RGS17: variants seen among roughly 807,000 people sequenced by gnomAD.
RGS17 encodes the protein regulator of G-protein signaling 17.
A neutral mutation model predicts 25.5 loss-of-function variants in RGS17; 12 were observed. The observed-to-expected ratio is 0.47, with a 90% confidence interval of 0.30 to 0.76. The LOEUF (loss-of-function observed/expected upper bound fraction) is 0.76, where lower values mean the gene tolerates loss of function less well. RGS17 is among the 30% of genes least tolerant of loss of function. The pLI is 0.07. For missense variants in RGS17, 196 were observed against 242.2 expected, an observed-to-expected ratio of 0.81 and a Z score of 1.27; for synonymous variants, 71 against 76.9, an observed-to-expected ratio of 0.92 and a Z score of 0.40.
At chr6:153,053,007 C>G (rs1776483692) in intron 1 of RGS17, among the ~76,000 whole-genome samples, 1 of 147,476 alleles carries the variant, frequency 6.8e-6, no homozygotes, top group African/African-American at 2.6e-5. Flanking sequence ...AGAACCCAAC[C>G]ATACTGGCAC....
At chr6:153,105,126 C>A (rs1228313155) in intron 1 of RGS17, among the ~76,000 whole-genome samples, 1 of 151,600 alleles carries the variant, frequency 6.6e-6, no homozygotes, top group African/African-American at 2.4e-5. Context: ...GGGATTTACA[C>A]AGAACTAAAT....
At position 153,102,085 on chromosome 6, in the gene RGS17, G is replaced by C. The variant is rs189442985; in HGVS notation, c.-26+29039C>G. Among the ~76,000 whole-genome samples the C allele has an allele frequency of 2.4e-4, 36 of 152,260 alleles. 1 individual carries two copies. Among genetic ancestry groups the C allele is most frequent in the Admixed American group, 2.1e-3 (32 of 15,294 alleles). Reference sequence around the variant, plus strand: ...CAACGATCTGCCTTTGTACTTGAAGGCATTTTGCTTCTGCACAGTCTTCTA... The same window carrying C: ...CAACGATCTGCCTTTGTACTTGAAGCCATTTTGCTTCTGCACAGTCTTCTA... On this transcript the variant is annotated intron_variant, in intron 1 of 4. Transcript: ENST00000206262.
chr6:153,076,014 C>T (rs1040130989), intron 1 of RGS17, among the ~76,000 whole-genome samples: 51 of 152,114 alleles, frequency 3.4e-4, no homozygotes, highest in African/African-American at 1.2e-3. Flanking sequence ...TAACTTTTTA[C>T]AGAACTTTGA....
At chr6:153,073,044 G>A (rs1776828940) in intron 1 of RGS17, among the ~76,000 whole-genome samples, 1 of 152,214 alleles carries the variant, frequency 6.6e-6, no homozygotes, top group African/African-American at 2.4e-5. Flanking sequence ...GCCAAAGGCA[G>A]TGTCTTGCTT....
chr6:153,101,848 T>C (rs1055821169), intron 1 of RGS17, among the ~76,000 whole-genome samples: 3 of 152,180 alleles, frequency 2.0e-5, no homozygotes, highest in African/African-American at 7.2e-5. Flanking sequence ...CCCCGTCACC[T>C]TCTGCCATGA....
rs1237821600 is a variant in RGS17, at chr6:153,071,020, T to C, written c.-25-26977A>G. Among the ~76,000 whole-genome samples the C allele has an allele frequency of 2.0e-5, 3 of 150,692 alleles. No individual in the cohort carries two copies. In the East Asian group the frequency reaches 5.8e-4, roughly 29 times the overall value. The stretch of plus-strand genomic sequence containing the variant: ...ATGTACATGTGTATATGCACGTATG[T>C]GTATATGTATATATACGTATATGTA... On this transcript the variant is annotated intron_variant, in intron 1 of 4. Transcript: ENST00000206262.
At chr6:153,106,498 G>C (rs1221678201) in intron 1 of RGS17, among the ~76,000 whole-genome samples, 1 of 151,700 alleles carries the variant, frequency 6.6e-6, no homozygotes, top group Non-Finnish European at 1.5e-5. Flanking sequence ...GAATGGTTTG[G>C]GGTTTACATT....
intron 1 of RGS17, among the ~76,000 whole-genome samples, chr6:153,053,527 C>T (rs181449243): frequency 6.6e-5 from 10 of 152,220 alleles, no homozygotes; most frequent in African/African-American, 2.4e-4. Flanking sequence ...AGGCAGAGCA[C>T]GGTGGCTCAT....
At chr6:153,109,781 T>G (rs921297600) in intron 1 of RGS17, among the ~76,000 whole-genome samples, 10 of 152,362 alleles carry the variant, frequency 6.6e-5, no homozygotes, top group African/African-American at 2.2e-4. Context: ...CATTTAAACT[T>G]ATCATGCTAT....
chr6:153,005,904 T>G lies in RGS17; in HGVS notation c.*5670A>C, dbSNP rs939405405. ...TATGAATGTAATGATCAATATTGGC[T>G]CATTAATGCCCATAGATGTATATGG... is the stretch of plus-strand genomic sequence containing the variant. On this transcript the variant is annotated 3_prime_UTR_variant, in exon 5 of 5. Coordinates refer to ENST00000206262, the MANE Select transcript of RGS17 (RefSeq NM_012419.5). 6.6e-6 allele frequency: 1 copy of G among 152,224 alleles called. No homozygotes were observed. Among genetic ancestry groups the G allele is most frequent in the African/African-American group, 2.4e-5 (1 of 41,458 alleles). 9.4% of individuals were successfully genotyped at this position (152,224 alleles called of 1,614,324 possible).
At chr6:153,046,257 G>A (rs186449016) in intron 1 of RGS17, among the ~76,000 whole-genome samples, 1 of 152,126 alleles carries the variant, frequency 6.6e-6, no homozygotes, top group African/African-American at 2.4e-5. Context: ...CTAGATAGGA[G>A]GAATAAGTTA....
intron 1 of RGS17, among the ~76,000 whole-genome samples, chr6:153,047,488 A>G (rs1395372104): frequency 1.3e-5 from 2 of 152,232 alleles, no homozygotes; most frequent in African/African-American, 2.4e-5. Flanking sequence ...ATTTTACACT[A>G]CAATGGACAG....
intron 2 of RGS17, among the ~76,000 whole-genome samples, chr6:153,029,962 T>C (rs1420879841): frequency 6.6e-6 from 1 of 152,246 alleles, no homozygotes; most frequent in Non-Finnish European, 1.5e-5. Context: ...ATTTCTACTT[T>C]TTAAGCAATA....
chr6:153,034,079 T>C (rs927246812), intron 2 of RGS17, among the ~76,000 whole-genome samples: 2 of 152,156 alleles, frequency 1.3e-5, no homozygotes, highest in African/African-American at 2.4e-5. Context: ...TAAAACCCTG[T>C]TAGTGAATAT....
chr6:153,007,294 T>G lies in RGS17; in HGVS notation c.*4280A>C, dbSNP rs529082940. On this transcript the variant is annotated 3_prime_UTR_variant, in exon 5 of 5. Transcript: ENST00000206262. ...TTTTATTGATAAATATTTGCAGTTGTAGCAAGTGAAGAATTAAAAATTTTT... is the reference window on the plus strand; with the variant it reads ...TTTTATTGATAAATATTTGCAGTTGGAGCAAGTGAAGAATTAAAAATTTTT... 14 of 152,314 alleles carry G rather than the reference T, an allele frequency of 9.2e-5. No individual in the cohort carries two copies. The highest frequency in any genetic ancestry group is 3.4e-4 in the African/African-American group (14 of 41,558). The allele number at this position is 152,314 out of a possible 1,614,324, so 9.4% of individuals were successfully genotyped here.
rs1584116096 is a variant in RGS17 at position 153,011,582 on chromosome 6, C to G, written c.625G>C (p.Glu209Gln). ...FVESTAGSSS[E>Q]S ...TTGTTTTTAAATGAACATTAAGATT[C>G]AGAAGAAGAGCCAGCAGTACTTTCA... is the stretch of plus-strand genomic sequence containing the variant. Residue 209 changes from glutamate (E) to glutamine (Q), a missense_variant, in exon 5 of 5, where the codon GAA becomes CAA. Glu to Gln is a conservative substitution (Grantham distance 29, BLOSUM62 2). Coordinates refer to ENST00000206262, the MANE Select transcript of RGS17 (RefSeq NM_012419.5). 1 of 1,600,096 alleles carries G rather than the reference C, an allele frequency of 6.2e-7. No homozygotes were observed. The highest frequency in any genetic ancestry group is 1.3e-5 in the African/African-American group (1 of 74,274).
chr6:153,058,079 C>A (rs1490610974), intron 1 of RGS17, among the ~76,000 whole-genome samples: 1 of 152,192 alleles, frequency 6.6e-6, no homozygotes, highest in Non-Finnish European at 1.5e-5. Flanking sequence ...AATAATAGAA[C>A]ACATAAGTAC....
At chr6:153,120,367 A>T (rs139474359) in intron 1 of RGS17, among the ~76,000 whole-genome samples, 1 of 152,326 alleles carries the variant, frequency 6.6e-6, no homozygotes, top group African/African-American at 2.4e-5. Flanking sequence ...TCCCAGACTC[A>T]TAGGCTAAAA....
chr6:153,131,260 G>C lies in RGS17; in HGVS notation c.-162C>G, dbSNP rs1408240622. 1 of 149,082 alleles carries C rather than the reference G, an allele frequency of 6.7e-6. No individual in the cohort carries two copies. Among genetic ancestry groups the C allele is most frequent in the Non-Finnish European group, 1.5e-5 (1 of 66,986 alleles). 9.2% of individuals were successfully genotyped at this position (149,082 alleles called of 1,614,324 possible). On this transcript the variant is annotated 5_prime_UTR_variant, in exon 1 of 5. Transcript: ENST00000206262. Reference sequence around the variant, plus strand: ...AGCGGGCGAGGAGAGAGGGAGAGCGGCGAGGATGCAGAGGAGGGGGAGGGG... The same window carrying C: ...AGCGGGCGAGGAGAGAGGGAGAGCGCCGAGGATGCAGAGGAGGGGGAGGGG...
Sources: allele counts gnomAD v4.1 joint callset (sites outside exome capture counted in the v4.1 genomes callset), GRCh38; gene constraint gnomAD v4.1.1; transcripts MANE v1.5; gene names NCBI Gene and HGNC (gene_info 2026-07-23, HGNC 2026-07-21).